Variants in SLC22A23 observed in about 807,000 individuals in gnomAD.
SLC22A23 encodes ion transporter protein.
A neutral mutation model predicts 61.0 loss-of-function variants in SLC22A23; 26 were observed. That is an observed-to-expected ratio of 0.43 (90% confidence interval 0.31 to 0.59). The LOEUF is 0.59. SLC22A23 is among the 20% of genes least tolerant of loss of function. SLC22A23 has a pLI of 0.11. For missense variants in SLC22A23, 796 were observed against 934.7 expected (o/e 0.85, Z 1.94); for synonymous variants, 430 against 413.9 (o/e 1.04, Z -0.47).
chr6:3,292,333 A>C (rs1026900109), intron 5 of SLC22A23, among the ~76,000 whole-genome samples: 6 of 152,234 alleles, frequency 3.9e-5, no homozygotes, highest in Admixed American at 3.9e-4. Context: ...AGCTGAATCC[A>C]AGAGGCCTTT....
chr6:3,354,186 C>T (rs1393112502), intron 3 of SLC22A23, among the ~76,000 whole-genome samples: 1 of 152,224 alleles, frequency 6.6e-6, no homozygotes, highest in Non-Finnish European at 1.5e-5. Context: ...CACACACAGG[C>T]TCACACAAAC....
At chr6:3,403,687 C>A (rs1768594283) in intron 3 of SLC22A23, among the ~76,000 whole-genome samples, 1 of 152,264 alleles carries the variant, frequency 6.6e-6, no homozygotes, top group Middle Eastern at 3.4e-3. Context: ...GGTTTCACTG[C>A]CCCCACTCCC....
intron 1 of SLC22A23, among the ~76,000 whole-genome samples, chr6:3,428,431 G>A (rs1165530439): frequency 6.6e-6 from 1 of 152,142 alleles, no homozygotes; most frequent in Non-Finnish European, 1.5e-5. Context: ...ACATGAGAAG[G>A]CCCTTCTGCT....
chr6:3,278,050 C>T (rs945470061), intron 9 of SLC22A23, among the ~76,000 whole-genome samples: 1 of 152,214 alleles, frequency 6.6e-6, no homozygotes, highest in Non-Finnish European at 1.5e-5. Flanking sequence ...GCCCTACCCA[C>T]TGATGGTAGC....
At chr6:3,396,333 C>A (rs938121884) in intron 3 of SLC22A23, among the ~76,000 whole-genome samples, 1 of 152,258 alleles carries the variant, frequency 6.6e-6, no homozygotes, top group East Asian at 1.9e-4. Context: ...GAGGCCAAGG[C>A]GGGCAGACCA....
chr6:3,328,597 T>C lies in SLC22A23; in HGVS notation c.914-4595A>G, dbSNP rs965903032. On this transcript the variant is annotated intron_variant, in intron 3 of 9. Coordinates refer to ENST00000406686, the MANE Select transcript of SLC22A23 (RefSeq NM_015482.2). This position sits in a 1 kb window ranked among gnomAD's most constrained non-coding sequence, Gnocchi z 5.0. Reference sequence around the variant, plus strand: ...TTTGGGTGGGTCTCGCCTCATCTGTTGAAAGACCTGAACATAGGGCCGAGG... The same window carrying C: ...TTTGGGTGGGTCTCGCCTCATCTGTCGAAAGACCTGAACATAGGGCCGAGG... Among the ~76,000 whole-genome samples, 4 of 151,984 alleles carry C rather than the reference T, an allele frequency of 2.6e-5. No homozygotes were observed. The highest frequency in any genetic ancestry group is 5.9e-5 in the Non-Finnish European group (4 of 68,014).
intron 1 of SLC22A23, among the ~76,000 whole-genome samples, chr6:3,436,482 C>T (rs1204037680): frequency 6.6e-6 from 1 of 152,288 alleles, no homozygotes; most frequent in East Asian, 1.9e-4. Flanking sequence ...TTTTCTGCTA[C>T]TTGCAGCATC....
At chr6:3,287,219 C>T (rs1760101539) in intron 6 of SLC22A23, 128 bp from the exon 7 acceptor site, 3 of 805,166 alleles carry the variant, frequency 3.7e-6, no homozygotes, top group South Asian at 1.7e-5. Flanking sequence ...TAGAAAAGCC[C>T]ATCATGACCG....
chr6:3,382,159 A>G (rs1192940710), intron 3 of SLC22A23, among the ~76,000 whole-genome samples: 1 of 152,250 alleles, frequency 6.6e-6, no homozygotes, highest in Non-Finnish European at 1.5e-5. Flanking sequence ...CATGCTTGAC[A>G]GAGTGACAGG....
At chr6:3,325,032 C>G (rs1419295093) in intron 3 of SLC22A23, among the ~76,000 whole-genome samples, 1 of 152,154 alleles carries the variant, frequency 6.6e-6, no homozygotes, top group Non-Finnish European at 1.5e-5. Flanking sequence ...TTGTGATTCT[C>G]CGGCAATATG....
At chr6:3,362,713 G>A (rs1369801302) in intron 3 of SLC22A23, among the ~76,000 whole-genome samples, 2 of 152,148 alleles carry the variant, frequency 1.3e-5, no homozygotes, top group East Asian at 3.9e-4. Flanking sequence ...GAGTGAGGAT[G>A]GGAGAACCAG....
intron 1 of SLC22A23, among the ~76,000 whole-genome samples, chr6:3,440,264 G>A (rs937890562): frequency 6.6e-6 from 1 of 152,162 alleles, no homozygotes; most frequent in African/African-American, 2.4e-5. Flanking sequence ...GAGCTGTACT[G>A]TCCCCTCAAA....
chr6:3,357,704 T>C (rs1375218845), intron 3 of SLC22A23, among the ~76,000 whole-genome samples: 1 of 152,194 alleles, frequency 6.6e-6, no homozygotes, highest in East Asian at 1.9e-4. Flanking sequence ...AAGGCGGCTG[T>C]GTATAATGAA....
intron 4 of SLC22A23, among the ~76,000 whole-genome samples, chr6:3,298,431 C>T (rs1009883734): frequency 6.6e-6 from 1 of 151,290 alleles, no homozygotes; most frequent in Non-Finnish European, 1.5e-5. Context: ...AAATGCTTAA[C>T]AAAAGTTAAC....
chr6:3,423,605 A>G lies in SLC22A23; in HGVS notation c.655-7750T>C, dbSNP rs547011896. Among the ~76,000 whole-genome samples the G allele has an allele frequency of 3.9e-4, 59 of 152,266 alleles. 1 individual carries two copies. The highest frequency in any genetic ancestry group is 1.3e-3 in the African/African-American group (55 of 41,538). ...GGAAGGAGGGAGTGGGGAGGAATGC[A>G]GGGAGGGAGGGAGGAAGGAAGGAAC... On this transcript the variant is annotated intron_variant, in intron 1 of 9. Transcript: ENST00000406686.
At chr6:3,282,623 C>T (rs1167754197) in intron 9 of SLC22A23, among the ~76,000 whole-genome samples, 1 of 152,214 alleles carries the variant, frequency 6.6e-6, no homozygotes, top group African/African-American at 2.4e-5. Flanking sequence ...ATGCGGACAC[C>T]TGGGTTTTGA....
chr6:3,299,284 G>A (rs995610344), intron 4 of SLC22A23, among the ~76,000 whole-genome samples: 2 of 152,158 alleles, frequency 1.3e-5, no homozygotes, highest in Non-Finnish European at 2.9e-5. Context: ...TGATTTTGTT[G>A]TATTTTGTCA....
intron 9 of SLC22A23, among the ~76,000 whole-genome samples, chr6:3,279,198 C>A (rs59682534): frequency 6.6e-6 from 1 of 151,588 alleles, no homozygotes; most frequent in African/African-American, 2.4e-5. Flanking sequence ...GGGAGCAATT[C>A]TCTGGTTTTC....
At chr6:3,275,711 T>C (rs1435221357) in intron 9 of SLC22A23, among the ~76,000 whole-genome samples, 1 of 152,194 alleles carries the variant, frequency 6.6e-6, no homozygotes, top group Non-Finnish European at 1.5e-5. Flanking sequence ...GCCTCCTGAG[T>C]AGCTGGGACT....
Sources: gnomAD v4.1 joint callset for allele counts (sites outside exome capture counted in the v4.1 genomes callset) on GRCh38, gnomAD v4.1.1 for gene constraint, Gnocchi (gnomAD v3.1) non-coding constraint, MANE v1.5 for transcripts, NCBI Gene and HGNC (gene_info 2026-07-23, HGNC 2026-07-21) for gene names.